The following FLNA variants were observed in gnomAD, a reference collection of about 807,000 sequenced individuals.
The protein encoded by FLNA is filamin A.
A neutral mutation model predicts 157.6 loss-of-function variants in FLNA; 7 were observed. The ratio of observed to expected loss-of-function variants is 0.04; its 90% CI spans 0.03 to 0.08. The LOEUF is 0.08. Among genes scored for constraint, FLNA ranks in the 10% least tolerant of loss-of-function variants. FLNA has a pLI of 1.00. For missense variants in FLNA, 1,750 were observed against 2,398.4 expected (o/e 0.73, Z 5.65); for synonymous variants, 1,103 against 1,060.8 (o/e 1.04, Z -0.77).
At chrX:154,361,059 AAAAAAAAAAAAAAAAAAAAAG>A (rs1569551705) in intron 21 of FLNA, among the ~76,000 whole-genome samples, 3 of 84,521 alleles carry the variant, frequency 3.5e-5, no homozygotes, top group Non-Finnish European at 6.5e-5. Flanking sequence ...AAAAAAAAAA[AAAAAAAAAAAAAAAAAAAAAG>A]AAAGAAAAAA....
In FLNA at chrX:154,357,536, G is replaced by A. The variant is rs1557177091; in HGVS notation, c.4843C>T (p.Arg1615Cys). 3.3e-6 allele frequency: 4 copies of A among 1,210,776 alleles called. No homozygotes were observed. The South Asian group carries it at 5.3e-5, about 16-fold the overall frequency. Residue 1615 changes from arginine (R) to cysteine (C), a missense_variant, in exon 29 of 48, where the codon CGC (arginine) becomes TGC (cysteine). Physicochemically the swap from Arg to Cys is radical, Grantham distance 180. Around this residue, in one of 5 missense-constraint regions of FLNA, gnomAD observed 970 missense variants for 1,302.6 expected, o/e 0.74. Transcript: ENST00000369850. ...CCGTACTTGATGAGGATGGTGTAGCGACCTGTCACGTCTGGCACGTAGGCC... is the reference window on the plus strand; with the variant it reads ...CCGTACTTGATGAGGATGGTGTAGCAACCTGTCACGTCTGGCACGTAGGCC... ...TVAYVPDVTG[R>C]YTILIKYGGD...
chrX:154,371,711 C>T (rs2148122773), intron 1 of FLNA, among the ~76,000 whole-genome samples: 1 of 112,910 alleles, frequency 8.9e-6, no homozygotes, highest in East Asian at 2.8e-4. Context: ...TCCCCAGGGC[C>T]CCTGCGGGGG....
Position 154,352,422 on chromosome X carries a change from G to T in FLNA, c.6528C>A (p.Ala2176=), listed in dbSNP as rs1161418819. The T allele has an allele frequency of 2.5e-6, 3 of 1,210,895 alleles. No individual in the cohort carries two copies. In the African/African-American group the frequency reaches 5.2e-5, roughly 21 times the overall value. ...IPEISIQDMT[A]QVTSPSGKTH... ...TCTTGCCCGATGGGCTGGTCACCTGGGCTGTCATATCCTGGATGCTAATTT... is the reference window on the plus strand; with the variant it reads ...TCTTGCCCGATGGGCTGGTCACCTGTGCTGTCATATCCTGGATGCTAATTT... Residue 2176 remains alanine, a synonymous_variant, in exon 41 of 48, where the codon GCC becomes GCA. Coordinates refer to ENST00000369850, the MANE Select transcript of FLNA (RefSeq NM_001110556.2).
In FLNA at chrX:154,348,877, C is replaced by T. The variant is rs782411133; in HGVS notation, c.7916G>A (p.Gly2639Asp). 1 of 1,208,697 alleles carries T rather than the reference C, an allele frequency of 8.3e-7. No individual in the cohort carries two copies. The highest frequency in any genetic ancestry group is 3.0e-5 in the East Asian group (1 of 33,735). Reference protein sequence around the residue: ...VVKWGDEHIPGSPYRVVVP With the variant: ...VVKWGDEHIPDSPYRVVVP ...GGGCACCACAACGCGGTAGGGGCTGCCTGGGATGTGCTCGTCCCCCCATTT... is the reference window on the plus strand; with the variant it reads ...GGGCACCACAACGCGGTAGGGGCTGTCTGGGATGTGCTCGTCCCCCCATTT... Residue 2639 changes from glycine to aspartate, a missense_variant, in exon 48 of 48, where the codon GGC becomes GAC. By Grantham distance (94) the Gly-to-Asp change is moderately conservative. Around this residue, in one of 5 missense-constraint regions of FLNA, gnomAD observed 970 missense variants for 1,302.6 expected, o/e 0.74. Transcript: ENST00000369850.
chrX:154,365,702 C>T (rs2067752958), intron 9 of FLNA, among the ~76,000 whole-genome samples: 1 of 109,948 alleles, frequency 9.1e-6, no homozygotes, highest in South Asian at 3.8e-4. Context: ...CAGCCCAGAG[C>T]CCCCCACCCT....
intron 14 of FLNA, 40 bp from the exon 15 acceptor site, chrX:154,364,205 C>T: frequency 8.3e-7 from 1 of 1,209,999 alleles, no homozygotes; most frequent in Non-Finnish European, 1.1e-6. Flanking sequence ...CTGGTCAGTG[C>T]CCAGGCCTGG....
intron 2 of FLNA, among the ~76,000 whole-genome samples, chrX:154,369,377 G>A (rs1241699576): frequency 2.7e-5 from 3 of 111,249 alleles, no homozygotes; most frequent in African/African-American, 6.5e-5. Flanking sequence ...ACCCCCACAC[G>A]GGGAGCAACC....
rs1569551921 is a variant in FLNA, at chrX:154,370,954, T to C, written c.292A>G (p.Thr98Ala). 1 of 1,210,703 alleles carries C rather than the reference T, an allele frequency of 8.3e-7. No homozygotes were observed. Among genetic ancestry groups the C allele is most frequent in the Admixed American group, 2.2e-5 (1 of 46,074 alleles). The part of the protein sequence containing the change: ...KMHRKHNQRP[T>A]FRQMQLENVS... ...TTCTCAAGCTGCATTTGGCGGAAAGTGGGCCGCTGGTTGTGCTTGCGGTGC... is the reference window on the plus strand; with the variant it reads ...TTCTCAAGCTGCATTTGGCGGAAAGCGGGCCGCTGGTTGTGCTTGCGGTGC... The change falls in exon 2 of 48, where the codon ACT becomes GCT. Residue 98 changes from threonine to alanine, a missense_variant. Physicochemically the swap from Thr to Ala is moderately conservative, Grantham distance 58. Around this residue, in one of 5 missense-constraint regions of FLNA, gnomAD observed 71 missense variants for 239.5 expected, o/e 0.30. Coordinates refer to ENST00000369850, the MANE Select transcript of FLNA (RefSeq NM_001110556.2).
intron 30 of FLNA, among the ~76,000 whole-genome samples, chrX:154,356,056 T>C (rs1557176801): frequency 8.9e-6 from 1 of 112,211 alleles, no homozygotes; most frequent in African/African-American, 3.2e-5. Context: ...TCTCCCAGGC[T>C]CCAGACCTGG....
At chrX:154,367,302 A>T (rs958631818) in intron 5 of FLNA, 95 bp downstream of exon 5, 1 of 1,006,163 alleles carries the variant, frequency 9.9e-7, no homozygotes, top group Non-Finnish European at 1.4e-6. Flanking sequence ...CCGCCATGTA[A>T]CCCAAGACCC....
chrX:154,349,698 G>A lies in FLNA; in HGVS notation c.7503C>T (p.Tyr2501=). 6.6e-6 allele frequency: 8 copies of A among 1,211,956 alleles called. No individual in the cohort carries two copies. The highest frequency in any genetic ancestry group is 2.2e-5 in the Admixed American group (1 of 46,162). The change falls in exon 46 of 48, where the codon TAC becomes TAT. Residue 2501 remains tyrosine, a synonymous_variant. Coordinates refer to ENST00000369850, the MANE Select transcript of FLNA (RefSeq NM_001110556.2). ...TGCCCCCAATGTGGTAGGGGCCGCC[G>A]TACTTGATGGAGATGAGGTAGCTGC... is the stretch of plus-strand genomic sequence containing the variant. The part of the protein sequence containing the change: ...APGSYLISIK[Y]GGPYHIGGSP...
Position 154,348,783 on chromosome X carries a change from A to G in FLNA, c.*66T>C, listed in dbSNP as rs2148099429. 2.8e-6 allele frequency: 3 copies of G among 1,071,013 alleles called. No individual in the cohort carries two copies. Among genetic ancestry groups the G allele is most frequent in the Non-Finnish European group, 2.5e-6 (2 of 789,069 alleles). The allele number at this position is 1,071,013 out of a possible 1,213,427, so 88.3% of individuals were successfully genotyped here. A position where few individuals can be genotyped will look rare whatever the true frequency, so the allele number is the denominator to read the frequency against. On this transcript the variant is annotated 3_prime_UTR_variant, in exon 48 of 48. Transcript: ENST00000369850. ...GGCGGCCTGGGCCGGGGTTGAGGGG[A>G]AGAGGGCGGGGCTGCTTGGGTAGCG...
Position 154,350,114 on chromosome X carries a change from T to C in FLNA, c.7250A>G (p.Lys2417Arg). 8.3e-7 allele frequency: 1 copy of C among 1,211,572 alleles called. No homozygotes were observed. Among genetic ancestry groups the C allele is most frequent in the Non-Finnish European group, 1.1e-6 (1 of 895,038 alleles). ...NGTHIPGSPF[K>R]IRVGEPGHGG... ...ATGCCCAGGCTCCCCAACTCGGATC[T>C]TGAAGGGGCTTCCAGGGATGTGGGT... Residue 2417 changes from lysine to arginine, a missense_variant, in exon 45 of 48, where the codon AAG becomes AGG. Transcript: ENST00000369850.
At chrX:154,364,441 G>A (rs1013050747) in intron 13 of FLNA, 69 bp from the exon 14 acceptor site, 3 of 1,180,327 alleles carry the variant, frequency 2.5e-6, no homozygotes, top group Non-Finnish European at 2.3e-6. Flanking sequence ...CAGGCAGGGT[G>A]GCCAGGGACA....
At chrX:154,361,095 A>AAAAAAAAAAAAAG in intron 21 of FLNA, among the ~76,000 whole-genome samples, 1 of 103,644 alleles carries the variant, frequency 9.6e-6, no homozygotes. Context: ...AAAAAAAAAA[A>AAAAAAAAAAAAAG]AAAGAAATTC....
At chrX:154,356,455 G>A (rs982412988) in intron 30 of FLNA, among the ~76,000 whole-genome samples, 16 of 111,646 alleles carry the variant, frequency 1.4e-4, no homozygotes, top group Non-Finnish European at 1.9e-4. Context: ...CACACACATC[G>A]GATCCTACGG....
chrX:154,364,396 CAG>C (rs1491058962), intron 13 of FLNA, 24 bp from the exon 14 acceptor site: 2 of 1,197,371 alleles, frequency 1.7e-6, no homozygotes, highest in Non-Finnish European at 2.3e-6. Context: ...ACCCAGCTGT[CAG>C]GGGGCCAGGT....
In FLNA at chrX:154,364,488, G is replaced by A. The variant is rs199766340; in HGVS notation, c.2022+38C>T. On this transcript the variant is annotated intron_variant, in intron 13 of 47. Coordinates refer to ENST00000369850, the MANE Select transcript of FLNA (RefSeq NM_001110556.2). ...CCCCACCAGACCCCAAGCAGGAGCA[G>A]CAGGGCGAGACTTAGGCCATCACAG... The A allele has an allele frequency of 8.5e-5, 102 of 1,198,303 alleles. No individual in the cohort carries two copies. The African/African-American group carries it at 1.8e-3, about 21-fold the overall frequency.
In FLNA at chrX:154,354,688, C is replaced by T. The variant is rs782091683; in HGVS notation, c.5241G>A (p.Ser1747=). The T allele has an allele frequency of 5.8e-6, 7 of 1,206,465 alleles. No individual in the cohort carries two copies. The highest frequency in any genetic ancestry group is 3.0e-5 in the East Asian group (1 of 33,594). Residue 1747 remains serine (S), a synonymous_variant, in exon 32 of 48, where the codon TCG becomes TCA. Transcript: ENST00000369850. ...GCTGAGACCGTAGAGGGGGCTGCAC[C>T]GAGGGCTGGTCCCCAGCCAGAGCCT... ...QVTALAGDQP[S]VQPPLRSQQL...
Sources: allele counts gnomAD v4.1 joint callset (sites outside exome capture counted in the v4.1 genomes callset), GRCh38; gene constraint gnomAD v4.1.1; regional missense constraint gnomAD v4.1.1; transcripts MANE v1.5; gene names NCBI Gene and HGNC (gene_info 2026-07-23, HGNC 2026-07-21).